The following ST18 variants were observed in gnomAD, a reference collection of about 807,000 sequenced individuals.
ST18 encodes ST18 C2H2C-type zinc finger transcription factor.
ST18 carries 50 observed loss-of-function variants against 110.0 expected under a neutral mutation model. The observed-to-expected ratio is 0.45, with a 90% CI of 0.36 to 0.58. ST18 has a LOEUF of 0.58. Ranked by LOEUF, ST18 falls within the 20% of genes least tolerant of loss-of-function variation. ST18 has a pLI of 0.00. For missense variants in ST18, 1,306 were observed against 1,280.1 expected (o/e 1.02, Z -0.31); for synonymous variants, 461 against 452.4 (o/e 1.02, Z -0.24).
chr8:52,149,871 G>A lies in ST18; in HGVS notation c.1913C>T (p.Pro638Leu). 6.2e-7 allele frequency: 1 copy of A among 1,614,128 alleles called. No individual in the cohort carries two copies. Among genetic ancestry groups the A allele is most frequent in the South Asian group, 1.1e-5 (1 of 91,072 alleles). The change falls in exon 16 of 26, where the codon CCA (proline) becomes CTA (leucine). Residue 638 changes from proline to leucine, a missense_variant. Physicochemically the swap from Pro to Leu is moderately conservative, Grantham distance 98 (BLOSUM62 -3). Transcript: ENST00000689386. ...TTTGAATGGGGAAGAGGAAGGAGTTGGAATAGAAGTGTTAGAGGAAGTTAG... is the reference window on the plus strand; with the variant it reads ...TTTGAATGGGGAAGAGGAAGGAGTTAGAATAGAAGTGTTAGAGGAAGTTAG... Reference protein sequence around the residue: ...APLTSSNTSIPTPSSSPFKTS... With the variant: ...APLTSSNTSILTPSSSPFKTS...
intron 2 of ST18, among the ~76,000 whole-genome samples, chr8:52,306,748 G>A (rs768641464): frequency 1.3e-5 from 2 of 152,164 alleles, no homozygotes; most frequent in Non-Finnish European, 2.9e-5. Flanking sequence ...GGGGCCCTGA[G>A]GATCTTGGAC....
At chr8:52,404,779 A>T (rs1448319274) in intron 2 of ST18, 1 of 152,176 alleles carries the variant, frequency 6.6e-6, no homozygotes, top group African/African-American at 2.4e-5. Context: ...AACCTCCAAA[A>T]TTCTAGTGGG....
At chr8:52,188,117 C>T (rs2073088429) in intron 8 of ST18, among the ~76,000 whole-genome samples, 1 of 152,158 alleles carries the variant, frequency 6.6e-6, no homozygotes, top group African/African-American at 2.4e-5. Flanking sequence ...GAAAAAGTGT[C>T]TCTCTTCCTA....
chr8:52,167,209 G>C (rs1041221560), intron 10 of ST18, among the ~76,000 whole-genome samples: 1 of 152,214 alleles, frequency 6.6e-6, no homozygotes, highest in African/African-American at 2.4e-5. Flanking sequence ...CAGGGCAAGA[G>C]AGTGTTAAAA....
intron 2 of ST18, chr8:52,405,808 T>C (rs1029400374): frequency 1.3e-5 from 2 of 152,086 alleles, no homozygotes; most frequent in South Asian, 4.2e-4. Context: ...TCAGTAATTA[T>C]ATTGAACAGA....
At chr8:52,232,033 T>C (rs1254373233) in intron 2 of ST18, among the ~76,000 whole-genome samples, 1 of 152,244 alleles carries the variant, frequency 6.6e-6, no homozygotes, top group Non-Finnish European at 1.5e-5. Context: ...TGGACCATAC[T>C]TGGAAAACTA....
chr8:52,135,590 A>AAAAAAAAT, intron 19 of ST18, among the ~76,000 whole-genome samples: 2 of 145,578 alleles, frequency 1.4e-5, no homozygotes, highest in Non-Finnish European at 3.0e-5. Context: ...AAAAAAAAAA[A>AAAAAAAAT]AGAAAGAAAG....
intron 3 of ST18, among the ~76,000 whole-genome samples, chr8:52,222,457 C>T (rs2087206602): frequency 6.6e-6 from 1 of 152,222 alleles, no homozygotes; most frequent in Admixed American, 6.5e-5. Flanking sequence ...TCTGCCGTGG[C>T]TCCCCTCCCT....
chr8:52,350,960 T>G (rs898494526), intron 2 of ST18, among the ~76,000 whole-genome samples: 4 of 152,132 alleles, frequency 2.6e-5, no homozygotes, highest in Non-Finnish European at 5.9e-5. Flanking sequence ...GACCTCATCA[T>G]CTGCCTGCCT....
In ST18 at chr8:52,112,135, T is replaced by G. The variant is rs1228474878; in HGVS notation, c.*1063A>C. The G allele has an allele frequency of 6.6e-6, 1 of 152,594 alleles. No individual in the cohort carries two copies. Among genetic ancestry groups the G allele is most frequent in the Non-Finnish European group, 1.5e-5 (1 of 68,032 alleles). 9.5% of individuals were successfully genotyped at this position (152,594 alleles called of 1,614,324 possible). A position where few individuals can be genotyped will look rare whatever the true frequency, so the allele number is the denominator to read the frequency against. ...TAATCATTCAGATTGGAGTAGCATT[T>G]TTTCATGTGTTACTATATTTTCCAT... On this transcript the variant is annotated 3_prime_UTR_variant, in exon 26 of 26. Transcript: ENST00000689386.
At chr8:52,375,240 C>T (rs936399169) in intron 2 of ST18, among the ~76,000 whole-genome samples, 5 of 152,078 alleles carry the variant, frequency 3.3e-5, no homozygotes, top group Non-Finnish European at 7.4e-5. Context: ...AAAACAAAAT[C>T]TTCACTTGAC....
chr8:52,162,016 C>A (rs1225677863), intron 13 of ST18, among the ~76,000 whole-genome samples: 4 of 152,156 alleles, frequency 2.6e-5, no homozygotes, highest in African/African-American at 7.2e-5. Flanking sequence ...TCGAGACCAG[C>A]CTGGCCAACA....
intron 2 of ST18, among the ~76,000 whole-genome samples, chr8:52,347,976 T>C (rs1193143979): frequency 1.3e-5 from 2 of 152,346 alleles, no homozygotes; most frequent in African/African-American, 2.4e-5. Flanking sequence ...TAAATATAGA[T>C]GTGTACCACC....
intron 8 of ST18, among the ~76,000 whole-genome samples, chr8:52,206,251 C>T (rs757018244): frequency 2.0e-5 from 3 of 152,196 alleles, no homozygotes; most frequent in Non-Finnish European, 2.9e-5. Flanking sequence ...CACATTGTTC[C>T]CACAAATCAC....
chr8:52,113,134 T>C lies in ST18; in HGVS notation c.*64A>G. Reference sequence around the variant, plus strand: ...TCCACGCCTTAGCAGTACATGAACCTCTAACAGATCCATCTGGAGTTTACT... The same window carrying C: ...TCCACGCCTTAGCAGTACATGAACCCCTAACAGATCCATCTGGAGTTTACT... On this transcript the variant is annotated 3_prime_UTR_variant, in exon 26 of 26. Coordinates refer to ENST00000689386, the MANE Select transcript of ST18 (RefSeq NM_001352837.2). The C allele has an allele frequency of 6.3e-7, 1 of 1,597,572 alleles. No individual in the cohort carries two copies. Among genetic ancestry groups the C allele is most frequent in the Non-Finnish European group, 8.5e-7 (1 of 1,172,460 alleles).
intron 2 of ST18, among the ~76,000 whole-genome samples, chr8:52,367,802 CT>C (rs1166740227): frequency 1.3e-5 from 2 of 152,166 alleles, no homozygotes; most frequent in African/African-American, 2.4e-5. Context: ...CCTGTAGCCC[CT>C]GATCACCTTC....
chr8:52,113,440 G>A, intron 25 of ST18, 102 bp from the exon 26 acceptor site: 1 of 1,393,900 alleles, frequency 7.2e-7, no homozygotes. Context: ...AGTCGGGAGG[G>A]AAGGCAAGGG....
At chr8:52,385,342 C>T (rs2140901225) in intron 2 of ST18, among the ~76,000 whole-genome samples, 1 of 152,224 alleles carries the variant, frequency 6.6e-6, no homozygotes, top group East Asian at 1.9e-4. Context: ...GAGATCACAG[C>T]TTGGTCCAGC....
intron 2 of ST18, among the ~76,000 whole-genome samples, chr8:52,314,286 T>C (rs1484329503): frequency 6.6e-6 from 1 of 152,212 alleles, no homozygotes; most frequent in Non-Finnish European, 1.5e-5. Flanking sequence ...CACAGGACTG[T>C]GTGCCGCTGG....
Sources: allele counts gnomAD v4.1 joint callset (sites outside exome capture counted in the v4.1 genomes callset), GRCh38; gene constraint gnomAD v4.1.1; transcripts MANE v1.5; gene names NCBI Gene and HGNC (gene_info 2026-07-23, HGNC 2026-07-21).